DNM3: variants seen among roughly 807,000 people sequenced by gnomAD.
DNM3 encodes the protein dynamin 3.
In DNM3, 47 loss-of-function variants were observed where a neutral mutation model predicts 101.6. The observed-to-expected ratio is 0.46, with a 90% CI of 0.37 to 0.59. The LOEUF is 0.59. Ranked by LOEUF, DNM3 falls within the 20% of genes least tolerant of loss-of-function variation. The probability of loss-of-function intolerance (pLI) is 0.00; values close to 1 mark genes in which losing one functional copy is unlikely to be tolerated. For synonymous variants in DNM3, 385 were observed against 387.9 expected, an observed-to-expected ratio of 0.99 and a Z score of 0.09; for missense variants, 849 against 1,085.7, an observed-to-expected ratio of 0.78 and a Z score of 3.06.
chr1:171,907,862 T>C (rs928058967), intron 1 of DNM3, among the ~76,000 whole-genome samples: 2 of 152,194 alleles, frequency 1.3e-5, no homozygotes, highest in African/African-American at 4.8e-5. Flanking sequence ...CTCTGCTATG[T>C]TCAATGATAA....
chr1:172,120,525 A>C (rs1410266748), intron 13 of DNM3, among the ~76,000 whole-genome samples: 1 of 152,190 alleles, frequency 6.6e-6, no homozygotes, highest in Non-Finnish European at 1.5e-5. Flanking sequence ...AAATTTCTTC[A>C]CATAAATTAC....
At position 172,187,425 on chromosome 1, in the gene DNM3, G is replaced by A. The variant is rs554029137; in HGVS notation, c.1659+56137G>A. The stretch of plus-strand genomic sequence containing the variant: ...TTAGAATGGTAATTACAGTTACACA[G>A]TGAAGATCTTCACTGCCTCTGCCCT... On this transcript the variant is annotated intron_variant, in intron 14 of 20. Transcript: ENST00000627582. 2.0e-5 allele frequency among the ~76,000 whole-genome samples: 3 copies of A among 152,046 alleles called. No individual in the cohort carries two copies. The South Asian group carries it at 6.2e-4, about 32-fold the overall frequency.
At chr1:171,978,530 A>C (rs768762773) in intron 2 of DNM3, among the ~76,000 whole-genome samples, 1 of 152,124 alleles carries the variant, frequency 6.6e-6, no homozygotes, top group East Asian at 1.9e-4. Context: ...CTGGAGGCAG[A>C]TGGGTGGCAG....
chr1:172,359,125 A>AACACACACACACACACACAC (rs10683483), intron 17 of DNM3, among the ~76,000 whole-genome samples: 10 of 145,818 alleles, frequency 6.9e-5, no homozygotes, highest in South Asian at 6.8e-4. Flanking sequence ...ACTCCCACAA[A>AACACACACACACACACACAC]ACACACACAC....
At chr1:172,332,980 G>A (rs1407078057) in intron 17 of DNM3, among the ~76,000 whole-genome samples, 1 of 152,046 alleles carries the variant, frequency 6.6e-6, no homozygotes, top group Non-Finnish European at 1.5e-5. Context: ...TTGGCACCTA[G>A]GAAGAAAGTG....
chr1:172,155,218 C>A (rs1321070676), intron 14 of DNM3, among the ~76,000 whole-genome samples: 2 of 151,322 alleles, frequency 1.3e-5, no homozygotes, highest in African/African-American at 4.9e-5. Context: ...CTTTAATAAA[C>A]ATGACCAAAT....
At chr1:172,014,749 T>A (rs2047340397) in intron 4 of DNM3, among the ~76,000 whole-genome samples, 1 of 151,986 alleles carries the variant, frequency 6.6e-6, no homozygotes, top group Non-Finnish European at 1.5e-5. Flanking sequence ...TGACTTGTTT[T>A]CTCACTTTTT....
chr1:171,896,761 G>C (rs2037841924), intron 1 of DNM3, among the ~76,000 whole-genome samples: 2 of 152,080 alleles, frequency 1.3e-5, no homozygotes, highest in Admixed American at 6.6e-5. Flanking sequence ...AAATAGTCAT[G>C]TTAAATGGTT....
intron 15 of DNM3, among the ~76,000 whole-genome samples, chr1:172,303,212 G>T (rs2064562898): frequency 6.6e-6 from 1 of 152,062 alleles, no homozygotes; most frequent in African/African-American, 2.4e-5. Flanking sequence ...TGAAAACCAT[G>T]GCATGAGAAC....
At chr1:172,204,517 C>T (rs566111317) in intron 14 of DNM3, among the ~76,000 whole-genome samples, 269 of 152,216 alleles carry the variant, frequency 1.8e-3, no homozygotes, top group Middle Eastern at 0.01. Context: ...TCAAAACTCA[C>T]CAAAACTAAA....
intron 8 of DNM3, 102 bp from the exon 9 acceptor site, chr1:172,044,283 C>A: frequency 1.0e-6 from 1 of 955,764 alleles, no homozygotes; most frequent in Non-Finnish European, 1.6e-6. Context: ...CATGAGTATC[C>A]ACTTATTAAT....
chr1:172,390,515 C>G (rs556007893), intron 20 of DNM3, among the ~76,000 whole-genome samples: 1 of 152,276 alleles, frequency 6.6e-6, no homozygotes, highest in African/African-American at 2.4e-5. Context: ...CATCCCTCCC[C>G]TCTACCCTCT....
intron 17 of DNM3, among the ~76,000 whole-genome samples, chr1:172,371,094 T>G (rs1360684113): frequency 6.6e-6 from 1 of 152,052 alleles, no homozygotes; most frequent in East Asian, 1.9e-4. Context: ...CTCTATTCTT[T>G]TTCTAGCATG....
At chr1:172,340,444 C>G (rs909449079) in intron 17 of DNM3, among the ~76,000 whole-genome samples, 26 of 152,198 alleles carry the variant, frequency 1.7e-4, no homozygotes, top group Non-Finnish European at 2.6e-4. Flanking sequence ...TACTGGTCCC[C>G]TGCCTAGCTC....
intron 14 of DNM3, among the ~76,000 whole-genome samples, chr1:172,244,544 G>T (rs1166575092): frequency 1.3e-5 from 2 of 151,898 alleles, no homozygotes; most frequent in Non-Finnish European, 2.9e-5. Flanking sequence ...AGTGGGCAAA[G>T]GACATGAACA....
intron 13 of DNM3, among the ~76,000 whole-genome samples, chr1:172,115,245 T>C (rs1159415598): frequency 1.3e-5 from 2 of 152,078 alleles, no homozygotes; most frequent in Non-Finnish European, 2.9e-5. Flanking sequence ...CATTCCTTTT[T>C]TCCCCTCTCA....
intron 10 of DNM3, among the ~76,000 whole-genome samples, chr1:172,056,193 C>T (rs952230629): frequency 4.0e-4 from 61 of 152,226 alleles, no homozygotes; most frequent in African/African-American, 1.0e-3. Flanking sequence ...GAGGGTCCTA[C>T]GCCCACGGAA....
At chr1:172,073,132 A>AT (rs2052339128) in intron 11 of DNM3, among the ~76,000 whole-genome samples, 1 of 152,170 alleles carries the variant, frequency 6.6e-6, no homozygotes, top group African/African-American at 2.4e-5. Flanking sequence ...ACAAATAAGT[A>AT]TAGGGTGCTA....
At chr1:172,304,986 A>G (rs1557964068) in intron 15 of DNM3, among the ~76,000 whole-genome samples, 2 of 152,212 alleles carry the variant, frequency 1.3e-5, no homozygotes, top group Non-Finnish European at 2.9e-5. Flanking sequence ...GAGACGCAAA[A>G]GCAAACAAAT....
Sources: allele counts gnomAD v4.1 joint callset (sites outside exome capture counted in the v4.1 genomes callset), GRCh38; gene constraint gnomAD v4.1.1; transcripts MANE v1.5; gene names NCBI Gene and HGNC (gene_info 2026-07-23, HGNC 2026-07-21).